The following DENND1B variants were observed in gnomAD, a reference collection of about 807,000 sequenced individuals.
The protein encoded by DENND1B is DENN domain-containing protein 1B.
DENND1B carries 59 observed loss-of-function variants against 90.1 expected under a neutral mutation model. The observed-to-expected ratio is 0.65, with a 90% confidence interval of 0.53 to 0.81. DENND1B has a LOEUF of 0.81. DENND1B is among the 40% of genes least tolerant of loss of function. The pLI, the probability that DENND1B is intolerant of heterozygous loss-of-function variation, is 0.00. For missense variants in DENND1B, 862 were observed against 912.6 expected, an observed-to-expected ratio of 0.94 and a Z score of 0.71; for synonymous variants, 337 against 324.6, an observed-to-expected ratio of 1.04 and a Z score of -0.41.
chr1:197,656,111 T>G (rs1256499505), intron 6 of DENND1B, among the ~76,000 whole-genome samples: 8 of 152,042 alleles, frequency 5.3e-5, no homozygotes, highest in African/African-American at 7.3e-5. Context: ...TAAAATCAGT[T>G]TTCAGAAAGT....
At chr1:197,521,818 G>A (rs1041241629) in intron 20 of DENND1B, among the ~76,000 whole-genome samples, 1 of 152,028 alleles carries the variant, frequency 6.6e-6, no homozygotes, top group Non-Finnish European at 1.5e-5. Context: ...TTTATGTACT[G>A]TATTTTATTT....
At chr1:197,549,326 A>G (rs1343137678) in intron 16 of DENND1B, among the ~76,000 whole-genome samples, 1 of 152,138 alleles carries the variant, frequency 6.6e-6, no homozygotes, top group African/African-American at 2.4e-5. Flanking sequence ...CACTAAACTG[A>G]TATTACCTAC....
In DENND1B at chr1:197,510,651, C is replaced by A. The variant is rs1034586041; in HGVS notation, c.2137G>T (p.Asp713Tyr). ...CGCCCAAGACCGGGTATAAGCAGAT[C>A]ATCTGAAATCTGGCTTAGTGTTTCC... The part of the protein sequence containing the change: ...KRETLSQISD[D>Y]LLIPGLGRHS... The change falls in exon 23 of 23, where the codon GAT becomes TAT. Residue 713 changes from aspartate to tyrosine, a missense_variant. Coordinates refer to ENST00000620048, the MANE Select transcript of DENND1B (RefSeq NM_001195215.2). 1 of 1,612,710 alleles carries A rather than the reference C, an allele frequency of 6.2e-7. No homozygotes were observed. Among genetic ancestry groups the A allele is most frequent in the Non-Finnish European group, 8.5e-7 (1 of 1,179,254 alleles).
At chr1:197,609,970 G>GA (rs1168245991) in intron 12 of DENND1B, among the ~76,000 whole-genome samples, 5 of 150,556 alleles carry the variant, frequency 3.3e-5, no homozygotes, top group African/African-American at 4.8e-5. Flanking sequence ...AAATTTTAGT[G>GA]AAAAAATCCG....
intron 10 of DENND1B, among the ~76,000 whole-genome samples, chr1:197,641,287 T>C (rs891207822): frequency 6.6e-6 from 1 of 152,054 alleles, no homozygotes; most frequent in East Asian, 1.9e-4. Context: ...AAAAAAATCA[T>C]GTTTAAAAAA....
chr1:197,670,702 G>T (rs1367327539), intron 5 of DENND1B, among the ~76,000 whole-genome samples: 1 of 151,650 alleles, frequency 6.6e-6, no homozygotes. Flanking sequence ...ATCCATCTCG[G>T]GCACAGTGCA....
intron 20 of DENND1B, among the ~76,000 whole-genome samples, chr1:197,522,021 A>G (rs1668812250): frequency 6.6e-6 from 1 of 152,034 alleles, no homozygotes; most frequent in South Asian, 2.1e-4. Flanking sequence ...TAGATAAATA[A>G]GTCCAGAGAG....
At chr1:197,601,805 A>G (rs1676236557) in intron 13 of DENND1B, among the ~76,000 whole-genome samples, 1 of 151,744 alleles carries the variant, frequency 6.6e-6, no homozygotes, top group African/African-American at 2.4e-5. Context: ...TTAAATGTTT[A>G]CAAGCACAGT....
intron 14 of DENND1B, among the ~76,000 whole-genome samples, chr1:197,592,108 C>CAAAAAAAAA: frequency 1.8e-5 from 1 of 55,812 alleles, no homozygotes; most frequent in Non-Finnish European, 3.0e-5. Flanking sequence ...GATTCCATCT[C>CAAAAAAAAA]AAAAAAAAAA....
intron 20 of DENND1B, among the ~76,000 whole-genome samples, chr1:197,521,746 A>C (rs1668793054): frequency 6.6e-6 from 1 of 152,194 alleles, no homozygotes; most frequent in African/African-American, 2.4e-5. Flanking sequence ...TAATTTGTAT[A>C]GGTAATAACT....
chr1:197,529,351 C>T (rs896215980), intron 20 of DENND1B, among the ~76,000 whole-genome samples: 1 of 147,482 alleles, frequency 6.8e-6, no homozygotes. Flanking sequence ...TGTGTGTGTG[C>T]ACGCGCGCAC....
In DENND1B at chr1:197,504,886, G is replaced by C. The variant is rs1667658977; in HGVS notation, c.*5574C>G. On this transcript the variant is annotated 3_prime_UTR_variant, in exon 23 of 23. Coordinates refer to ENST00000620048, the MANE Select transcript of DENND1B (RefSeq NM_001195215.2). ...TTTTATACACATCTTCCCAATAGTA[G>C]TCAAGTTTGGAGATGATTTATACTG... 1 of 151,738 alleles carries C rather than the reference G, an allele frequency of 6.6e-6. No individual in the cohort carries two copies. Among genetic ancestry groups the C allele is most frequent in the Non-Finnish European group, 1.5e-5 (1 of 67,836 alleles). 9.4% of individuals were successfully genotyped at this position (151,738 alleles called of 1,614,324 possible).
chr1:197,719,415 C>T (rs550850329), intron 2 of DENND1B, among the ~76,000 whole-genome samples: 65 of 152,050 alleles, frequency 4.3e-4, no homozygotes, highest in Admixed American at 2.3e-3. Context: ...AGCTGAAGTA[C>T]GTTTTCCATT....
intron 3 of DENND1B, chr1:197,690,525 C>A: frequency 5.2e-6 from 1 of 192,516 alleles, no homozygotes; most frequent in South Asian, 1.0e-4. Context: ...TTTTACTGTT[C>A]ATAATATGAG....
intron 13 of DENND1B, among the ~76,000 whole-genome samples, chr1:197,601,869 A>G (rs983157493): frequency 2.0e-5 from 3 of 151,698 alleles, no homozygotes; most frequent in Non-Finnish European, 4.4e-5. Context: ...TAAGGTTTAT[A>G]TTTTCAAAAT....
chr1:197,779,875 C>T (rs1657385305), upstream of DENND1B, among the ~76,000 whole-genome samples: 1 of 151,946 alleles, frequency 6.6e-6, no homozygotes, highest in Admixed American at 6.6e-5. Flanking sequence ...CTTGTTCATA[C>T]TTATGGTCTC....
Position 197,512,868 on chromosome 1 carries a change from T to C in DENND1B, c.1598+3A>G. 1 of 1,609,916 alleles carries C rather than the reference T, an allele frequency of 6.2e-7. No individual in the cohort carries two copies. Among genetic ancestry groups the C allele is most frequent in the South Asian group, 1.1e-5 (1 of 90,768 alleles). On this transcript the variant is annotated splice_donor_region_variant and intron_variant, in intron 21 of 22. Coordinates refer to ENST00000620048, the MANE Select transcript of DENND1B (RefSeq NM_001195215.2). ...TAATAGGACACCAAAATCCATTACTTACTTGCTTGCTCTTTCAATGTCATC... is the reference window on the plus strand; with the variant it reads ...TAATAGGACACCAAAATCCATTACTCACTTGCTTGCTCTTTCAATGTCATC...
At chr1:197,721,021 T>G (rs907385672) in intron 2 of DENND1B, among the ~76,000 whole-genome samples, 8 of 151,050 alleles carry the variant, frequency 5.3e-5, no homozygotes, top group Non-Finnish European at 1.2e-4. Context: ...AACAGACTGC[T>G]GGGTCCCACA....
At chr1:197,566,797 T>TA (rs908748981) in intron 15 of DENND1B, among the ~76,000 whole-genome samples, 86 of 143,238 alleles carry the variant, frequency 6.0e-4, no homozygotes, top group South Asian at 2.0e-3. Context: ...GTATGAGAGG[T>TA]AAAAAAAAAA....
Sources: allele counts gnomAD v4.1 joint callset (sites outside exome capture counted in the v4.1 genomes callset), GRCh38; gene constraint gnomAD v4.1.1; transcripts MANE v1.5; gene names NCBI Gene and HGNC (gene_info 2026-07-23, HGNC 2026-07-21).